The following ARID5B variants were observed in gnomAD, a reference collection of about 807,000 sequenced individuals.
ARID5B encodes the protein AT-rich interactive domain-containing protein 5B.
In ARID5B, 13 loss-of-function variants were observed where a neutral mutation model predicts 97.2. The observed-to-expected ratio is 0.13, with a 90% CI of 0.09 to 0.21. The LOEUF (loss-of-function observed/expected upper bound fraction) is 0.21, where lower values mean the gene tolerates loss of function less well. Among genes scored for constraint, ARID5B ranks in the 10% least tolerant of loss-of-function variants. The pLI, the probability that ARID5B is intolerant of heterozygous loss-of-function variation, is 1.00. For synonymous variants in ARID5B, 556 were observed against 570.3 expected (o/e 0.97, Z 0.36); for missense variants, 1,210 against 1,465.3 (o/e 0.83, Z 2.84).
At chr10:61,914,915 G>A (rs1274619709) in intron 2 of ARID5B, among the ~76,000 whole-genome samples, 14 of 152,202 alleles carry the variant, frequency 9.2e-5, no homozygotes, top group South Asian at 2.1e-4. Context: ...ATGTTCTCCC[G>A]ATGCTGCGAA....
rs753239966 is a variant in ARID5B at position 62,091,798 on chromosome 10, A to G, written c.2335A>G (p.Ser779Gly). 1.1e-5 allele frequency: 17 copies of G among 1,614,088 alleles called. No homozygotes were observed. The highest frequency in any genetic ancestry group is 1.4e-5 in the Non-Finnish European group (16 of 1,180,012). ...INDIFKHEKL[S>G]RSDPHRCSFS... The stretch of plus-strand genomic sequence containing the variant: ...TGACATCTTTAAGCATGAGAAACTG[A>G]GTCGATCAGATCCCCACCGCTGCAG... Residue 779 changes from serine to glycine, a missense_variant, in exon 10 of 10, where the codon AGT (serine) becomes GGT (glycine). Coordinates refer to ENST00000279873, the MANE Select transcript of ARID5B (RefSeq NM_032199.3).
chr10:61,916,046 G>A (rs561228357), intron 2 of ARID5B, among the ~76,000 whole-genome samples: 2 of 151,458 alleles, frequency 1.3e-5, no homozygotes, highest in African/African-American at 4.9e-5. Flanking sequence ...GTGAGCCACC[G>A]TGTCTAGCCT....
At chr10:61,966,202 C>G (rs1838542905) in intron 3 of ARID5B, among the ~76,000 whole-genome samples, 2 of 152,102 alleles carry the variant, frequency 1.3e-5, no homozygotes, top group Admixed American at 1.3e-4. Context: ...TTCACAACAG[C>G]TTTTGGGGAA....
rs147119517 is a variant in ARID5B at position 61,911,890 on chromosome 10, G to A, written c.276+9477G>A. On this transcript the variant is annotated intron_variant, in intron 2 of 9. Transcript: ENST00000279873. ...TTTAGCATGAGCTGGACAACTATCTGTGCTTGCCTGCTGGGGTCTTGCAAA... is the reference window on the plus strand; with the variant it reads ...TTTAGCATGAGCTGGACAACTATCTATGCTTGCCTGCTGGGGTCTTGCAAA... Among the ~76,000 whole-genome samples, 238 of 152,242 alleles carry A rather than the reference G, an allele frequency of 1.6e-3. 1 individual carries two copies. Among genetic ancestry groups the A allele is most frequent in the African/African-American group, 5.5e-3 (227 of 41,538 alleles).
Position 62,094,514 on chromosome 10 carries a change from A to G in ARID5B, c.*1484A>G. The G allele has an allele frequency of 4.3e-6, 1 of 231,488 alleles. No individual in the cohort carries two copies. Among genetic ancestry groups the G allele is most frequent in the Non-Finnish European group, 8.6e-6 (1 of 116,926 alleles). 14.3% of individuals were successfully genotyped at this position (231,488 alleles called of 1,614,324 possible). The stretch of plus-strand genomic sequence containing the variant: ...TAAGGTGGTTTGGGTCATGTTTTTA[A>G]CCACCTGGCAATACAGTCCACTTTC... On this transcript the variant is annotated 3_prime_UTR_variant, in exon 10 of 10. Coordinates refer to ENST00000279873, the MANE Select transcript of ARID5B (RefSeq NM_032199.3).
At chr10:61,990,886 T>C (rs1359952984) in intron 3 of ARID5B, among the ~76,000 whole-genome samples, 1 of 152,142 alleles carries the variant, frequency 6.6e-6, no homozygotes, top group Non-Finnish European at 1.5e-5. Context: ...ACAAAAACTT[T>C]GTATGCATTA....
At chr10:61,917,625 C>T (rs1470795747) in intron 2 of ARID5B, among the ~76,000 whole-genome samples, 1 of 152,184 alleles carries the variant, frequency 6.6e-6, no homozygotes, top group Non-Finnish European at 1.5e-5. Context: ...CAGATGTGGC[C>T]CACAGGCTGC....
chr10:61,921,325 C>T (rs1844010746), intron 2 of ARID5B, among the ~76,000 whole-genome samples: 1 of 152,178 alleles, frequency 6.6e-6, no homozygotes, highest in East Asian at 1.9e-4. Flanking sequence ...GGTGTCCTCC[C>T]CAGCTGTGGC....
intron 2 of ARID5B, among the ~76,000 whole-genome samples, chr10:61,939,068 G>A (rs1844355899): frequency 1.3e-5 from 2 of 151,108 alleles, no homozygotes; most frequent in Admixed American, 1.3e-4. Flanking sequence ...ATGTTTAACA[G>A]CAAAATTAGC....
At chr10:61,984,889 T>C (rs1008676558) in intron 3 of ARID5B, among the ~76,000 whole-genome samples, 1 of 152,116 alleles carries the variant, frequency 6.6e-6, no homozygotes, top group Non-Finnish European at 1.5e-5. Flanking sequence ...GACCCACACA[T>C]TGGGCCCAGA....
chr10:61,941,587 G>A (rs1274837557), intron 3 of ARID5B, among the ~76,000 whole-genome samples: 1 of 151,608 alleles, frequency 6.6e-6, no homozygotes, highest in Non-Finnish European at 1.5e-5. Context: ...TTGGCATAAA[G>A]AGACTGAATA....
chr10:62,020,994 G>A (rs1359948090), intron 4 of ARID5B, among the ~76,000 whole-genome samples: 1 of 147,988 alleles, frequency 6.8e-6, no homozygotes, highest in African/African-American at 2.5e-5. Context: ...ATGAGCATTT[G>A]TGGCAGTGCA....
intron 3 of ARID5B, among the ~76,000 whole-genome samples, chr10:61,983,702 G>A (rs977828056): frequency 5.3e-5 from 8 of 151,086 alleles, no homozygotes; most frequent in African/African-American, 1.7e-4. Context: ...GCTGACCTGC[G>A]TATGAAGCAC....
At chr10:61,959,365 C>A (rs1003363973) in intron 3 of ARID5B, among the ~76,000 whole-genome samples, 2 of 152,078 alleles carry the variant, frequency 1.3e-5, no homozygotes, top group African/African-American at 4.8e-5. Context: ...GAAGGTAGGG[C>A]AATTTTATCT....
chr10:62,012,795 C>T (rs1839234719), intron 4 of ARID5B, among the ~76,000 whole-genome samples: 1 of 152,106 alleles, frequency 6.6e-6, no homozygotes, highest in South Asian at 2.1e-4. Flanking sequence ...AAACATTTCC[C>T]CATATTCTTA....
intron 4 of ARID5B, among the ~76,000 whole-genome samples, chr10:62,022,235 T>C (rs1839365796): frequency 6.6e-6 from 1 of 152,234 alleles, no homozygotes; most frequent in Admixed American, 6.5e-5. Context: ...CTAGATGGTG[T>C]GCGGATTTCC....
chr10:62,078,057 G>A (rs757392630), intron 8 of ARID5B, among the ~76,000 whole-genome samples: 17 of 152,332 alleles, frequency 1.1e-4, no homozygotes, highest in Non-Finnish European at 7.3e-5. Context: ...AAATGTTGTG[G>A]GAGAACTGTT....
intron 3 of ARID5B, among the ~76,000 whole-genome samples, chr10:61,964,553 G>A (rs758641635): frequency 7.2e-5 from 11 of 152,140 alleles, no homozygotes; most frequent in Non-Finnish European, 1.3e-4. Context: ...CTAGCATCTG[G>A]CCTAAGGAAT....
intron 4 of ARID5B, chr10:62,025,394 C>A (rs1839407819): frequency 6.6e-6 from 1 of 152,128 alleles, no homozygotes; most frequent in Non-Finnish European, 1.5e-5. Flanking sequence ...TAATGGGTAT[C>A]TTTAAAGAGA....
Sources: gnomAD v4.1 joint callset for allele counts (sites outside exome capture counted in the v4.1 genomes callset) on GRCh38, gnomAD v4.1.1 for gene constraint, MANE v1.5 for transcripts, NCBI Gene and HGNC (gene_info 2026-07-23, HGNC 2026-07-21) for gene names.